The following ASCC3 variants were observed in gnomAD, a reference collection of about 807,000 sequenced individuals.
ASCC3 encodes the protein activating signal cointegrator 1 complex subunit 3, also known as ASC-1 complex subunit P200.
ASCC3 carries 158 observed loss-of-function variants against 256.3 expected under a neutral mutation model. The ratio of observed to expected loss-of-function variants is 0.62; its 90% confidence interval spans 0.54 to 0.70. The LOEUF is 0.70. Ranked by LOEUF, ASCC3 falls within the 30% of genes least tolerant of loss-of-function variation. The pLI, the probability that ASCC3 is intolerant of heterozygous loss-of-function variation, is 0.00. For synonymous variants in ASCC3, 948 were observed against 883.4 expected (o/e 1.07, Z -1.30); for missense variants, 2,259 against 2,626.0 (o/e 0.86, Z 3.05).
At chr6:100,786,807 A>G (rs186210064) in intron 8 of ASCC3, among the ~76,000 whole-genome samples, 17 of 152,254 alleles carry the variant, frequency 1.1e-4, no homozygotes, top group Admixed American at 1.0e-3. Context: ...TTGAAACCGC[A>G]CTTCAGATGA....
intron 4 of ASCC3, among the ~76,000 whole-genome samples, chr6:100,830,405 T>C (rs1205207787): frequency 1.3e-5 from 2 of 152,166 alleles, no homozygotes; most frequent in Admixed American, 1.3e-4. Flanking sequence ...ACTACATAGA[T>C]ATAACATTTG....
rs1447713052 is a variant in ASCC3 at position 100,662,230 on chromosome 6, T to C, written c.2478+115A>G. ...GAAAATAATTCTGACCTTTTATAAA[T>C]AACATTCAAAGTCAAGGAAACAGCC... is the stretch of plus-strand genomic sequence containing the variant. On this transcript the variant is annotated intron_variant, in intron 15 of 41. Transcript: ENST00000369162. The C allele has an allele frequency of 4.1e-6, 5 of 1,217,240 alleles. No individual in the cohort carries two copies. In the South Asian group the frequency reaches 6.1e-5, roughly 15 times the overall value. 75.4% of individuals were successfully genotyped at this position (1,217,240 alleles called of 1,614,324 possible). A position where few individuals can be genotyped will look rare whatever the true frequency, so the allele number is the denominator to read the frequency against.
At chr6:100,861,605 C>T (rs76339567) in intron 3 of ASCC3, among the ~76,000 whole-genome samples, 4,154 of 152,148 alleles carry the variant, frequency 0.027, 197 homozygotes, top group African/African-American at 0.095. Flanking sequence ...TTTCACTAAA[C>T]CTAATAGTTA....
At position 100,710,485 on chromosome 6, in the gene ASCC3, C is replaced by T. The variant is rs116194096; in HGVS notation, c.2151+4977G>A. ...GAATTTACCATAGTAAGAGCCTGCC[C>T]TCCTCAGTCACCTTTCATTTTGAAA... On this transcript the variant is annotated intron_variant, in intron 13 of 41. Transcript: ENST00000369162. Among the ~76,000 whole-genome samples the T allele has an allele frequency of 5.6e-3, 853 of 152,242 alleles. 12 individuals are homozygous for T. The highest frequency in any genetic ancestry group is 0.019 in the African/African-American group (807 of 41,550).
At chr6:100,729,864 T>C (rs534031410) in intron 10 of ASCC3, among the ~76,000 whole-genome samples, 1 of 152,296 alleles carries the variant, frequency 6.6e-6, no homozygotes, top group South Asian at 2.1e-4. Context: ...GAGCAAACTG[T>C]GTAATCACAT....
chr6:100,686,716 T>C (rs1777584040), intron 13 of ASCC3, among the ~76,000 whole-genome samples: 1 of 152,120 alleles, frequency 6.6e-6, no homozygotes, highest in Admixed American at 6.5e-5. Context: ...TGTACACAAG[T>C]CATTTTACAT....
chr6:100,618,380 C>T lies in ASCC3; in HGVS notation c.4785+6812G>A, dbSNP rs1433080450. On this transcript the variant is annotated intron_variant, in intron 30 of 41. Transcript: ENST00000369162. ...GTTTTAGGTGGATGAACTCTTAGAA[C>T]AGTGCCAGAATAAAAGGCTACCTGT... 1.2e-4 allele frequency among the ~76,000 whole-genome samples: 19 copies of T among 152,164 alleles called. 1 individual carries two copies.
At chr6:100,518,177 T>C in intron 37 of ASCC3, 35 bp from the exon 38 acceptor site, 3 of 1,612,102 alleles carry the variant, frequency 1.9e-6, no homozygotes, top group Middle Eastern at 1.7e-4. Flanking sequence ...ACAAGAATTA[T>C]ATCATGGTAC....
intron 36 of ASCC3, among the ~76,000 whole-genome samples, chr6:100,564,694 G>A (rs1770138357): frequency 6.6e-6 from 1 of 152,110 alleles, no homozygotes; most frequent in Admixed American, 6.6e-5. Context: ...AACATAGTAG[G>A]TGCTATATAA....
intron 13 of ASCC3, among the ~76,000 whole-genome samples, chr6:100,712,662 TGA>T: frequency 6.6e-6 from 1 of 151,784 alleles, no homozygotes; most frequent in African/African-American, 2.4e-5. Context: ...CTAATGGGTA[TGA>T]AAAATGGTAT....
chr6:100,642,719 A>G lies in ASCC3; in HGVS notation c.3763T>C (p.Phe1255Leu), dbSNP rs749283407. 5.0e-6 allele frequency: 8 copies of G among 1,613,762 alleles called. No homozygotes were observed. The Admixed American group carries it at 1.3e-4, about 27-fold the overall frequency. The change falls in exon 24 of 42, where the codon TTT becomes CTT. Residue 1255 changes from phenylalanine to leucine, a missense_variant. By Grantham distance (22) the Phe-to-Leu change is conservative (BLOSUM62 0). Coordinates refer to ENST00000369162, the MANE Select transcript of ASCC3 (RefSeq NM_006828.4). The stretch of plus-strand genomic sequence containing the variant: ...AAAGGCTCAAAAATAGGGATTGTAA[A>G]TACCAGTAGTTGGGCTTCTTTACTA... ...VISKEAQLLV[F>L]TIPIFEPLPS...
Position 100,706,042 on chromosome 6 carries a change from A to G in ASCC3, c.2151+9420T>C, listed in dbSNP as rs548888651. 9.0e-4 allele frequency among the ~76,000 whole-genome samples: 137 copies of G among 151,990 alleles called. 1 individual carries two copies. Among genetic ancestry groups the G allele is most frequent in the African/African-American group, 3.2e-3 (133 of 41,506 alleles). ...ATATATACACACATGCACATAGTAT[A>G]CATACATAATTTACCATACTTACAT... is the stretch of plus-strand genomic sequence containing the variant. On this transcript the variant is annotated intron_variant, in intron 13 of 41. Transcript: ENST00000369162.
intron 25 of ASCC3, 112 bp from the exon 26 acceptor site, chr6:100,631,325 T>A: frequency 1.3e-6 from 1 of 778,732 alleles, no homozygotes; most frequent in Non-Finnish European, 2.2e-6. Flanking sequence ...TTTGAAAATG[T>A]ATCTTTTAAT....
intron 10 of ASCC3, among the ~76,000 whole-genome samples, chr6:100,754,732 C>G (rs1781094352): frequency 6.6e-6 from 1 of 152,034 alleles, no homozygotes; most frequent in Non-Finnish European, 1.5e-5. Flanking sequence ...GTGTCACCAC[C>G]CAAATCTTAT....
At chr6:100,556,675 G>A (rs1350775429) in intron 36 of ASCC3, among the ~76,000 whole-genome samples, 1 of 152,084 alleles carries the variant, frequency 6.6e-6, no homozygotes, top group East Asian at 1.9e-4. Context: ...GGGGAGAAAT[G>A]ATGCAAACGG....
intron 3 of ASCC3, among the ~76,000 whole-genome samples, chr6:100,863,858 A>G (rs992572008): frequency 6.6e-6 from 1 of 152,074 alleles, no homozygotes; most frequent in African/African-American, 2.4e-5. Flanking sequence ...CCTGGACTCA[A>G]GCGATCTGCC....
intron 10 of ASCC3, among the ~76,000 whole-genome samples, chr6:100,758,287 G>A (rs4327708): frequency 0.97 from 148,241 of 152,268 alleles, 72,291 homozygotes; most frequent in East Asian, 1. Flanking sequence ...CATGTGCAGA[G>A]TGTGCAGGTT....
chr6:100,830,844 G>A (rs1201353291), intron 4 of ASCC3, among the ~76,000 whole-genome samples: 3 of 152,052 alleles, frequency 2.0e-5, no homozygotes, highest in Non-Finnish European at 2.9e-5. Context: ...AACTAAAAAC[G>A]GGGTTAAAGT....
intron 3 of ASCC3, among the ~76,000 whole-genome samples, chr6:100,859,801 A>G (rs1455504307): frequency 2.0e-5 from 3 of 152,048 alleles, no homozygotes; most frequent in Non-Finnish European, 4.4e-5. Flanking sequence ...AATTAGAAAA[A>G]GCAAAACAAA....
Sources: gnomAD v4.1 joint callset for allele counts (sites outside exome capture counted in the v4.1 genomes callset) on GRCh38, gnomAD v4.1.1 for gene constraint, MANE v1.5 for transcripts, NCBI Gene and HGNC (gene_info 2026-07-23, HGNC 2026-07-21) for gene names.